VPS45: variants seen among roughly 807,000 people sequenced by gnomAD.
The protein encoded by VPS45 is vacuolar protein sorting 45 homolog.
In VPS45, 35 loss-of-function variants were observed where a neutral mutation model predicts 75.9. That is an observed-to-expected ratio of 0.46 (90% CI 0.35 to 0.61). The LOEUF (loss-of-function observed/expected upper bound fraction) is 0.61. VPS45 is among the 20% of genes least tolerant of loss of function. VPS45 has a pLI of 0.00. For synonymous variants in VPS45, 220 were observed against 238.2 expected, an observed-to-expected ratio of 0.92 and a Z score of 0.70; for missense variants, 559 against 685.9, an observed-to-expected ratio of 0.81 and a Z score of 2.07.
intron 14 of VPS45, among the ~76,000 whole-genome samples, chr1:150,120,864 C>CTTTTTT (rs370159689): frequency 3.5e-5 from 3 of 86,062 alleles, no homozygotes; most frequent in Non-Finnish European, 2.4e-5. Context: ...TAGCAACATT[C>CTTTTTT]TTTTTTTTTT....
At chr1:150,091,125 T>A (rs1656302523) in intron 10 of VPS45, among the ~76,000 whole-genome samples, 1 of 152,204 alleles carries the variant, frequency 6.6e-6, no homozygotes. Context: ...TAAAGAAACA[T>A]GTATATAGCA....
At chr1:150,128,813 C>T (rs1333252727) in intron 14 of VPS45, among the ~76,000 whole-genome samples, 1 of 151,870 alleles carries the variant, frequency 6.6e-6, no homozygotes, top group African/African-American at 2.4e-5. Flanking sequence ...GATCTCGGCT[C>T]ACTGCAACCT....
At chr1:150,076,381 A>G in intron 4 of VPS45, 69 bp downstream of exon 4, 1 of 1,303,012 alleles carries the variant, frequency 7.7e-7, no homozygotes, top group Non-Finnish European at 1.1e-6. Flanking sequence ...CTAAAAATAA[A>G]AAATAAGGAA....
chr1:150,129,996 C>A (rs1304394652), intron 14 of VPS45, among the ~76,000 whole-genome samples: 1 of 151,840 alleles, frequency 6.6e-6, no homozygotes, highest in African/African-American at 2.4e-5. Context: ...GGACTATGGG[C>A]CACCAAGCCT....
chr1:150,069,523 C>T (rs965771257), intron 2 of VPS45, among the ~76,000 whole-genome samples: 4 of 147,430 alleles, frequency 2.7e-5, no homozygotes, highest in Non-Finnish European at 4.5e-5. Context: ...GTGGCGCAAT[C>T]TCGGCTCACT....
intron 14 of VPS45, among the ~76,000 whole-genome samples, chr1:150,131,407 CTGAGGCAGGAGAATCATCGCT>C (rs1229341840): frequency 1.3e-5 from 2 of 151,986 alleles, no homozygotes; most frequent in African/African-American, 2.4e-5. Context: ...ACTCAGGAGG[CTGAGGCAGGAGAATCATCGCT>C]TGAACTTGGG....
intron 14 of VPS45, among the ~76,000 whole-genome samples, chr1:150,136,218 C>T (rs1553813639): frequency 7.8e-6 from 1 of 128,742 alleles, no homozygotes; most frequent in Non-Finnish European, 1.6e-5. Flanking sequence ...CACTGCACTC[C>T]AGCTTGGGCA....
chr1:150,067,783 G>A lies in VPS45; in HGVS notation c.-75G>A, dbSNP rs1418338148. ...GGCTGGGAGGAAGCAGCTGAGACCCGGCCAACAGACTGGGGGTTAATTTAG... is the reference window on the plus strand; with the variant it reads ...GGCTGGGAGGAAGCAGCTGAGACCCAGCCAACAGACTGGGGGTTAATTTAG... On this transcript the variant is annotated 5_prime_UTR_variant, in exon 1 of 15. Coordinates refer to ENST00000644510, the MANE Select transcript of VPS45 (RefSeq NM_007259.5). 2 of 1,483,364 alleles carry A rather than the reference G, an allele frequency of 1.3e-6. No homozygotes were observed. Among genetic ancestry groups the A allele is most frequent in the African/African-American group, 1.4e-5 (1 of 72,246 alleles). The allele number at this position is 1,483,364 out of a possible 1,614,324, so 91.9% of individuals were successfully genotyped here.
intron 13 of VPS45, among the ~76,000 whole-genome samples, chr1:150,108,808 G>T (rs1328557327): frequency 6.6e-6 from 1 of 152,118 alleles, no homozygotes; most frequent in African/African-American, 2.4e-5. Flanking sequence ...GCACTCCTAT[G>T]AGAATCTAAC....
chr1:150,074,236 T>A (rs1655244092), intron 3 of VPS45, among the ~76,000 whole-genome samples: 1 of 151,990 alleles, frequency 6.6e-6, no homozygotes, highest in African/African-American at 2.4e-5. Context: ...TTGTCCAGAC[T>A]GGTCTCAAAC....
chr1:150,126,642 A>G (rs782558588), intron 14 of VPS45, among the ~76,000 whole-genome samples: 6 of 152,016 alleles, frequency 3.9e-5, no homozygotes, highest in Non-Finnish European at 8.8e-5. Flanking sequence ...AGTGAATTTT[A>G]TTGTCTATGA....
At chr1:150,137,964 A>G (rs904470338) in intron 14 of VPS45, among the ~76,000 whole-genome samples, 19 of 149,480 alleles carry the variant, frequency 1.3e-4, no homozygotes, top group African/African-American at 4.7e-4. Flanking sequence ...TATGTTCTGC[A>G]TCTTTAAAAG....
chr1:150,067,773 G>C, upstream of VPS45: 1 of 1,399,164 alleles, frequency 7.1e-7, no homozygotes, highest in Admixed American at 1.8e-5. Flanking sequence ...GGAGGAAGCA[G>C]CTGAGACCCG....
intron 13 of VPS45, chr1:150,098,987 G>C: frequency 8.9e-7 from 1 of 1,124,970 alleles, no homozygotes; most frequent in Non-Finnish European, 1.1e-6. Context: ...GTAGAATCTT[G>C]TTGCTACAGC....
chr1:150,072,146 G>T lies in VPS45; in HGVS notation c.229-20G>T. Reference sequence around the variant, plus strand: ...AAGCAACTCTCCTCATATTTTGTTTGCTTGTTCTTCATTTTCTAGGAGAAT... The same window carrying T: ...AAGCAACTCTCCTCATATTTTGTTTTCTTGTTCTTCATTTTCTAGGAGAAT... On this transcript the variant is annotated intron_variant, in intron 2 of 14. Coordinates refer to ENST00000644510, the MANE Select transcript of VPS45 (RefSeq NM_007259.5). 1 of 1,600,222 alleles carries T rather than the reference G, an allele frequency of 6.2e-7. No homozygotes were observed. Among genetic ancestry groups the T allele is most frequent in the East Asian group, 2.3e-5 (1 of 44,392 alleles).
chr1:150,133,205 GTTCACTTAAAAT>G (rs1402469447), intron 14 of VPS45, among the ~76,000 whole-genome samples: 5 of 152,124 alleles, frequency 3.3e-5, no homozygotes, highest in African/African-American at 1.2e-4. Context: ...TTCCATTTGT[GTTCACTTAAAAT>G]TTCTCCTTTG....
chr1:150,144,142 T>C (rs1553816040), intron 14 of VPS45, among the ~76,000 whole-genome samples: 1 of 151,856 alleles, frequency 6.6e-6, no homozygotes, highest in African/African-American at 2.4e-5. Flanking sequence ...AGAGACAGGG[T>C]CTTGCTCTGT....
At chr1:150,094,072 A>G (rs782763837) in intron 13 of VPS45, among the ~76,000 whole-genome samples, 4 of 152,320 alleles carry the variant, frequency 2.6e-5, no homozygotes, top group African/African-American at 9.6e-5. Flanking sequence ...TGAGAGACCT[A>G]ATTAATAAAG....
Position 150,091,987 on chromosome 1 carries a change from C to T in VPS45, c.1155C>T (p.Ala385=), listed in dbSNP as rs1553801991. 3.1e-6 allele frequency: 5 copies of T among 1,614,096 alleles called. No individual in the cohort carries two copies. The highest frequency in any genetic ancestry group is 4.5e-5 in the East Asian group (2 of 44,876). The part of the protein sequence containing the change: ...QNPKVTEFDA[A]RLVMLYALHY... Reference sequence around the variant, plus strand: ...CCAAAGTGACAGAGTTTGATGCTGCCCGCCTGGTGATGCTTTATGCTTTAC... The same window carrying T: ...CCAAAGTGACAGAGTTTGATGCTGCTCGCCTGGTGATGCTTTATGCTTTAC... The change falls in exon 11 of 15, where the codon GCC becomes GCT. Residue 385 remains alanine, a synonymous_variant. Coordinates refer to ENST00000644510, the MANE Select transcript of VPS45 (RefSeq NM_007259.5).
Sources: allele counts gnomAD v4.1 joint callset (sites outside exome capture counted in the v4.1 genomes callset), GRCh38; gene constraint gnomAD v4.1.1; transcripts MANE v1.5; gene names NCBI Gene and HGNC (gene_info 2026-07-23, HGNC 2026-07-21).